The following NKAIN2 variants were observed in gnomAD, a reference collection of about 807,000 sequenced individuals.
NKAIN2 encodes the protein sodium/potassium-transporting ATPase subunit beta-1-interacting protein 2.
Under a neutral mutation model 32.6 loss-of-function variants are expected in NKAIN2, and 14 were observed. The observed-to-expected ratio is 0.43, with a 90% confidence interval of 0.28 to 0.67. NKAIN2 has a LOEUF of 0.67. Among genes scored for constraint, NKAIN2 ranks in the 30% least tolerant of loss-of-function variants. The probability of loss-of-function intolerance (pLI) is 0.17; values close to 1 mark genes in which losing one functional copy is unlikely to be tolerated. For synonymous variants in NKAIN2, 80 were observed against 87.2 expected (o/e 0.92, Z 0.46); for missense variants, 198 against 258.3 (o/e 0.77, Z 1.60).
chr6:124,202,362 G>A (rs1790634189), intron 1 of NKAIN2, among the ~76,000 whole-genome samples: 1 of 151,892 alleles, frequency 6.6e-6, no homozygotes, highest in Non-Finnish European at 1.5e-5. Context: ...ATTCCTTAGC[G>A]AGGCAGAAAC....
At chr6:123,865,284 A>T (rs1206073134) in intron 1 of NKAIN2, among the ~76,000 whole-genome samples, 9 of 152,048 alleles carry the variant, frequency 5.9e-5, no homozygotes, top group African/African-American at 2.2e-4. Flanking sequence ...TATTATTAAT[A>T]GTTTTTGGAC....
At chr6:124,716,664 G>T (rs1354164704) in intron 4 of NKAIN2, among the ~76,000 whole-genome samples, 1 of 152,100 alleles carries the variant, frequency 6.6e-6, no homozygotes, top group Admixed American at 6.6e-5. Flanking sequence ...GAACACTCCA[G>T]TCTTAGGGCT....
At chr6:124,358,104 C>T (rs1395055558) in intron 3 of NKAIN2, among the ~76,000 whole-genome samples, 2 of 152,186 alleles carry the variant, frequency 1.3e-5, no homozygotes, top group African/African-American at 2.4e-5. Flanking sequence ...AGGACATGAA[C>T]TCATCATTTT....
chr6:124,215,991 G>A (rs889769147), intron 1 of NKAIN2, among the ~76,000 whole-genome samples: 7 of 151,698 alleles, frequency 4.6e-5, no homozygotes, highest in Non-Finnish European at 1.0e-4. Flanking sequence ...GGTGACAAGC[G>A]CCTGTAATCC....
chr6:124,475,476 G>A (rs1777161229), intron 3 of NKAIN2, among the ~76,000 whole-genome samples: 2 of 152,046 alleles, frequency 1.3e-5, no homozygotes, highest in South Asian at 2.1e-4. Context: ...TTTCTTCCAT[G>A]AGTGGATATA....
chr6:124,537,091 C>T lies in NKAIN2; in HGVS notation c.274-121095C>T, dbSNP rs1583406097. 6.6e-5 allele frequency among the ~76,000 whole-genome samples: 10 copies of T among 152,294 alleles called. 1 individual carries two copies. The South Asian group carries it at 2.1e-3, about 32-fold the overall frequency. ...ATGGGGGCAAAAAGCCAGTAGGTGT[C>T]CACTTTTCTACCATCGTCTTCAAAG... On this transcript the variant is annotated intron_variant, in intron 3 of 6. Coordinates refer to ENST00000368417, the MANE Select transcript of NKAIN2 (RefSeq NM_001040214.3).
chr6:124,394,997 G>A (rs574780445), intron 3 of NKAIN2, among the ~76,000 whole-genome samples: 45 of 152,218 alleles, frequency 3.0e-4, no homozygotes, highest in Non-Finnish European at 5.7e-4. Flanking sequence ...CCTGAACATC[G>A]TCAGTCAGGT....
At chr6:124,057,225 G>A (rs1782696022) in intron 1 of NKAIN2, among the ~76,000 whole-genome samples, 1 of 152,054 alleles carries the variant, frequency 6.6e-6, no homozygotes, top group African/African-American at 2.4e-5. Context: ...AGCATGCCCA[G>A]TGTTGATAAA....
intron 3 of NKAIN2, among the ~76,000 whole-genome samples, chr6:124,596,098 C>A: frequency 6.6e-6 from 1 of 152,154 alleles, no homozygotes; most frequent in East Asian, 1.9e-4. Context: ...TAAGAATGTT[C>A]AGGTTGTCTA....
intron 1 of NKAIN2, among the ~76,000 whole-genome samples, chr6:123,821,636 T>C (rs1236465451): frequency 6.6e-6 from 1 of 152,138 alleles, no homozygotes; most frequent in Non-Finnish European, 1.5e-5. Flanking sequence ...TATTTTTCTT[T>C]ATACTGTGAG....
At chr6:124,360,806 A>C (rs1227439651) in intron 3 of NKAIN2, among the ~76,000 whole-genome samples, 1 of 152,204 alleles carries the variant, frequency 6.6e-6, no homozygotes, top group Admixed American at 6.5e-5. Flanking sequence ...AGCAGTGTGT[A>C]ACTTCCTGGG....
rs940277000 is a variant in NKAIN2, at chr6:123,804,056, C to G, written c.-145C>G. 1 of 802,294 alleles carries G rather than the reference C, an allele frequency of 1.2e-6. No individual in the cohort carries two copies. Among genetic ancestry groups the G allele is most frequent in the Non-Finnish European group, 2.2e-6 (1 of 455,340 alleles). 49.7% of individuals were successfully genotyped at this position (802,294 alleles called of 1,614,324 possible). ...AGCAGGTCCTAATGCCTGTCACTTCCCAGGACGCTGGCAGCAGCAGCAGCC... is the reference window on the plus strand; with the variant it reads ...AGCAGGTCCTAATGCCTGTCACTTCGCAGGACGCTGGCAGCAGCAGCAGCC... On this transcript the variant is annotated 5_prime_UTR_variant, in exon 1 of 7. Transcript: ENST00000368417.
chr6:124,719,588 T>C (rs1775920594), intron 4 of NKAIN2, among the ~76,000 whole-genome samples: 1 of 152,130 alleles, frequency 6.6e-6, no homozygotes, highest in Non-Finnish European at 1.5e-5. Flanking sequence ...TTCTTTTGTT[T>C]TGTTTTGTTT....
chr6:124,810,244 C>A (rs1252265702), intron 5 of NKAIN2, among the ~76,000 whole-genome samples: 1 of 151,640 alleles, frequency 6.6e-6, no homozygotes, highest in Admixed American at 6.6e-5. Context: ...AAATGTCCAA[C>A]AATGATAGAC....
intron 3 of NKAIN2, among the ~76,000 whole-genome samples, chr6:124,654,959 G>C (rs1479442892): frequency 6.6e-6 from 1 of 152,098 alleles, no homozygotes; most frequent in Non-Finnish European, 1.5e-5. Context: ...GTGGTACTTT[G>C]TTATGGCAGC....
intron 1 of NKAIN2, among the ~76,000 whole-genome samples, chr6:124,123,072 G>C (rs1049234133): frequency 6.7e-6 from 1 of 150,222 alleles, no homozygotes; most frequent in Non-Finnish European, 1.5e-5. Flanking sequence ...TCAAAATAAG[G>C]TTCCTTTTTT....
In NKAIN2 at chr6:124,687,253, C is replaced by CTA. The variant is rs558395795; in HGVS notation, c.474+28875_474+28876dup. ...TATATAGAGAGAATATATATATTAC[C>CTA]TATATATATTCTCTCTATATATAGA... On this transcript the variant is annotated intron_variant, in intron 4 of 6. Coordinates refer to ENST00000368417, the MANE Select transcript of NKAIN2 (RefSeq NM_001040214.3). Among the ~76,000 whole-genome samples, 395 of 134,810 alleles carry CTA rather than the reference C, an allele frequency of 2.9e-3. 2 individuals carry two copies. Among genetic ancestry groups the CTA allele is most frequent in the African/African-American group, 0.01 (374 of 35,878 alleles). 88.4% of individuals were successfully genotyped at this position (134,810 alleles called of 152,430 possible).
intron 1 of NKAIN2, among the ~76,000 whole-genome samples, chr6:123,882,614 C>T (rs955399924): frequency 1.3e-5 from 2 of 152,086 alleles, no homozygotes; most frequent in Non-Finnish European, 2.9e-5. Flanking sequence ...TAATAACTTA[C>T]ATTTGAGTGA....
At chr6:124,321,946 A>AT (rs961170096) in intron 2 of NKAIN2, among the ~76,000 whole-genome samples, 4 of 152,154 alleles carry the variant, frequency 2.6e-5, no homozygotes, top group African/African-American at 9.7e-5. Context: ...CCATAAGTAC[A>AT]TTTTCCTTCT....
Sources: allele counts gnomAD v4.1 joint callset (sites outside exome capture counted in the v4.1 genomes callset), GRCh38; gene constraint gnomAD v4.1.1; transcripts MANE v1.5; gene names NCBI Gene and HGNC (gene_info 2026-07-23, HGNC 2026-07-21).